PARVA: variants seen among roughly 807,000 people sequenced by gnomAD.
PARVA encodes the protein parvin alpha, also known as alpha-parvin.
Under a neutral mutation model 52.6 loss-of-function variants are expected in PARVA, and 25 were observed. The ratio of observed to expected loss-of-function variants is 0.48; its 90% CI spans 0.35 to 0.66. PARVA has a LOEUF of 0.66. PARVA is among the 30% of genes least tolerant of loss of function. The probability of loss-of-function intolerance (pLI) is 0.01; values close to 1 mark genes in which losing one functional copy is unlikely to be tolerated. For synonymous variants in PARVA, 185 were observed against 179.1 expected (o/e 1.03, Z -0.26); for missense variants, 373 against 450.9 (o/e 0.83, Z 1.56).
At chr11:12,519,617 T>G (rs769140411) in intron 12 of PARVA, among the ~76,000 whole-genome samples, 4 of 152,080 alleles carry the variant, frequency 2.6e-5, no homozygotes, top group Admixed American at 2.0e-4. Flanking sequence ...AAGGACCAGG[T>G]AGGGCTTTGG....
intron 5 of PARVA, 105 bp downstream of exon 5, chr11:12,496,703 G>C (rs1941303492): frequency 9.1e-7 from 1 of 1,094,900 alleles, no homozygotes; most frequent in African/African-American, 1.6e-5. Context: ...TCAGGGGAGG[G>C]GGTCAAACTC....
intron 1 of PARVA, among the ~76,000 whole-genome samples, chr11:12,381,028 A>G (rs1014717492): frequency 2.6e-5 from 4 of 152,186 alleles, no homozygotes; most frequent in African/African-American, 9.7e-5. Context: ...CAGGGGCTGT[A>G]AATGGATGAA....
chr11:12,421,251 C>T (rs1214496382), intron 1 of PARVA, among the ~76,000 whole-genome samples: 1 of 151,898 alleles, frequency 6.6e-6, no homozygotes, highest in African/African-American at 2.4e-5. Flanking sequence ...TATCTCTGCC[C>T]AAAACTGAAG....
chr11:12,487,717 G>A (rs1472883508), intron 4 of PARVA, among the ~76,000 whole-genome samples: 2 of 152,176 alleles, frequency 1.3e-5, no homozygotes, highest in Non-Finnish European at 2.9e-5. Flanking sequence ...TCAAAAGTTA[G>A]ATGAAAGTTT....
At chr11:12,486,456 T>C (rs998448223) in intron 4 of PARVA, among the ~76,000 whole-genome samples, 1 of 151,750 alleles carries the variant, frequency 6.6e-6, no homozygotes, top group Non-Finnish European at 1.5e-5. Context: ...TCGCTTGAAC[T>C]CGGCAGGCGG....
At chr11:12,506,480 G>C (rs1351758281) in intron 6 of PARVA, among the ~76,000 whole-genome samples, 2 of 152,166 alleles carry the variant, frequency 1.3e-5, no homozygotes. Flanking sequence ...AATAAAATCT[G>C]CCTGCTGGAA....
At position 12,473,738 on chromosome 11, in the gene PARVA, CT is replaced by C; in HGVS notation, c.137-5del. 1 of 1,555,476 alleles carries C rather than the reference CT, an allele frequency of 6.4e-7. No individual in the cohort carries two copies. The highest frequency in any genetic ancestry group is 8.7e-7 in the Non-Finnish European group (1 of 1,148,358). On this transcript the variant is annotated splice_region_variant and splice_polypyrimidine_tract_variant and intron_variant, in intron 1 of 12. Coordinates refer to ENST00000334956, the MANE Select transcript of PARVA (RefSeq NM_018222.5). ...GAAATGTGACCCTGCTCTTCCTTTT[CT>C]TCCAGTGTCCGAGCTGCAGGAGGAG...
chr11:12,516,512 C>T lies in PARVA; in HGVS notation c.868-1098C>T, dbSNP rs576275391. On this transcript the variant is annotated intron_variant, in intron 10 of 12. Transcript: ENST00000334956. ...GCCCTAAGCAGAAGACCAGCAGCCT[C>T]CGCACTTAGCTGAGGGACTCTCCTG... Among the ~76,000 whole-genome samples, 6 of 152,266 alleles carry T rather than the reference C, an allele frequency of 3.9e-5. No homozygotes were observed. The South Asian group carries it at 1.0e-3, about 26-fold the overall frequency.
At chr11:12,494,664 AAAG>A (rs990327062) in intron 4 of PARVA, among the ~76,000 whole-genome samples, 1 of 152,120 alleles carries the variant, frequency 6.6e-6, no homozygotes, top group African/African-American at 2.4e-5. Flanking sequence ...TTAAAAAAAA[AAAG>A]AATGAACTAG....
At chr11:12,496,364 G>GTGCATGCATGCATGAT in intron 4 of PARVA, 94 bp from the exon 5 acceptor site, 3 of 1,279,392 alleles carry the variant, frequency 2.3e-6, no homozygotes, top group Non-Finnish European at 3.3e-6. Flanking sequence ...GCATGCATGA[G>GTGCATGCATGCATGAT]TGCATGAGAG....
At chr11:12,486,165 G>A (rs1033502704) in intron 4 of PARVA, among the ~76,000 whole-genome samples, 4 of 152,144 alleles carry the variant, frequency 2.6e-5, no homozygotes, top group East Asian at 1.9e-4. Flanking sequence ...AACTGAGTTC[G>A]GAGTGCATAG....
intron 1 of PARVA, among the ~76,000 whole-genome samples, chr11:12,454,444 T>C (rs7944351): frequency 0.085 from 12,946 of 152,212 alleles, 599 homozygotes; most frequent in Middle Eastern, 0.12. Flanking sequence ...CTACATTAGT[T>C]GAATATTTTT....
rs904154463 is a variant in PARVA, at chr11:12,462,224, A to C, written c.137-11521A>C. Among the ~76,000 whole-genome samples the C allele has an allele frequency of 5.9e-5, 9 of 152,324 alleles. No individual in the cohort carries two copies. In the East Asian group the frequency reaches 9.6e-4, roughly 16 times the overall value. On this transcript the variant is annotated intron_variant, in intron 1 of 12. Transcript: ENST00000334956. ...CAAAGCCATCCATGCCCTAATCCCT[A>C]GGATCTGTAAATATGTTACTTTATG...
chr11:12,437,710 A>G (rs1354435376), intron 1 of PARVA, among the ~76,000 whole-genome samples: 4 of 152,166 alleles, frequency 2.6e-5, no homozygotes, highest in Non-Finnish European at 4.4e-5. Flanking sequence ...CTCCTTTGGG[A>G]AGGAATCAGA....
chr11:12,511,849 G>A (rs1227735400), intron 8 of PARVA, among the ~76,000 whole-genome samples: 1 of 152,216 alleles, frequency 6.6e-6, no homozygotes, highest in Admixed American at 6.5e-5. Flanking sequence ...GCCCAAGGGT[G>A]AAGGAGGAGA....
chr11:12,414,637 A>AT (rs11403070), intron 1 of PARVA, among the ~76,000 whole-genome samples: 31,687 of 147,064 alleles, frequency 0.22, 5,243 homozygotes, highest in African/African-American at 0.46. Flanking sequence ...TGAAAATTTC[A>AT]TTTTTTTTTT....
In PARVA at chr11:12,444,772, A is replaced by G. The variant is rs548342112; in HGVS notation, c.137-28973A>G. 9.8e-5 allele frequency among the ~76,000 whole-genome samples: 15 copies of G among 152,310 alleles called. No homozygotes were observed. The South Asian group carries it at 3.1e-3, about 32-fold the overall frequency. The stretch of plus-strand genomic sequence containing the variant: ...GAAGCCACTGGTTATTACTACATAG[A>G]TGAACCCAGAGGCATGCTGAGACCT... On this transcript the variant is annotated intron_variant, in intron 1 of 12. Coordinates refer to ENST00000334956, the MANE Select transcript of PARVA (RefSeq NM_018222.5).
intron 1 of PARVA, among the ~76,000 whole-genome samples, chr11:12,382,009 T>C (rs1939496380): frequency 1.3e-5 from 2 of 152,242 alleles, no homozygotes; most frequent in South Asian, 4.1e-4. Flanking sequence ...GAGATCACTT[T>C]TAACTGCGGT....
chr11:12,465,206 T>C (rs1940838385), intron 1 of PARVA, among the ~76,000 whole-genome samples: 1 of 151,952 alleles, frequency 6.6e-6, no homozygotes, highest in Non-Finnish European at 1.5e-5. Flanking sequence ...GATTAATGAG[T>C]TATGGAATAG....
Sources: gnomAD v4.1 joint callset for allele counts (sites outside exome capture counted in the v4.1 genomes callset) on GRCh38, gnomAD v4.1.1 for gene constraint, MANE v1.5 for transcripts, NCBI Gene and HGNC (gene_info 2026-07-23, HGNC 2026-07-21) for gene names.